Variants in PLXDC2 observed in about 807,000 individuals in gnomAD.
PLXDC2 encodes plexin domain containing 2.
Under a neutral mutation model 68.9 loss-of-function variants are expected in PLXDC2, and 40 were observed. The observed-to-expected ratio is 0.58, with a 90% CI of 0.45 to 0.76. PLXDC2 has a LOEUF of 0.76. PLXDC2 is among the 30% of genes least tolerant of loss of function. The probability of loss-of-function intolerance (pLI) is 0.00; values close to 1 mark genes in which losing one functional copy is unlikely to be tolerated. For missense variants in PLXDC2, 644 were observed against 661.9 expected (o/e 0.97, Z 0.30); for synonymous variants, 243 against 234.2 (o/e 1.04, Z -0.34).
intron 4 of PLXDC2, 113 bp from the exon 5 acceptor site, chr10:20,143,182 C>T: frequency 3.6e-6 from 4 of 1,120,186 alleles, no homozygotes; most frequent in Non-Finnish European, 5.0e-6. Flanking sequence ...TTTTTTCCAG[C>T]TACCATGACA....
chr10:19,872,748 C>G (rs1307226644), intron 1 of PLXDC2, among the ~76,000 whole-genome samples: 9 of 151,948 alleles, frequency 5.9e-5, no homozygotes, highest in Non-Finnish European at 1.3e-4. Flanking sequence ...TCCATGAGTT[C>G]CCTCCAGGCT....
At chr10:19,977,239 A>G (rs1162798734) in intron 1 of PLXDC2, among the ~76,000 whole-genome samples, 1 of 152,118 alleles carries the variant, frequency 6.6e-6, no homozygotes, top group Non-Finnish European at 1.5e-5. Context: ...TGCTGGGGAG[A>G]TTCTGGGACC....
chr10:19,937,583 T>TATATATATG (rs1833747488), intron 1 of PLXDC2, among the ~76,000 whole-genome samples: 1 of 137,868 alleles, frequency 7.3e-6, no homozygotes, highest in African/African-American at 2.7e-5. Context: ...TATATATATA[T>TATATATATG]TTGCAACTTC....
intron 3 of PLXDC2, among the ~76,000 whole-genome samples, chr10:20,056,662 C>A (rs896819062): frequency 1.3e-5 from 2 of 152,148 alleles, no homozygotes; most frequent in Non-Finnish European, 2.9e-5. Flanking sequence ...ATATAACAAA[C>A]CTTAGCTTCC....
intron 1 of PLXDC2, among the ~76,000 whole-genome samples, chr10:19,892,714 G>C (rs1035761592): frequency 6.6e-6 from 1 of 152,080 alleles, no homozygotes; most frequent in African/African-American, 2.4e-5. Flanking sequence ...GATTTCTTCT[G>C]CTTTCTCCTG....
At chr10:19,848,861 A>T (rs1288088405) in intron 1 of PLXDC2, among the ~76,000 whole-genome samples, 1 of 152,096 alleles carries the variant, frequency 6.6e-6, no homozygotes, top group African/African-American at 2.4e-5. Flanking sequence ...TCTTCATCTC[A>T]TGAAAAGAAG....
At position 19,937,544 on chromosome 10, in the gene PLXDC2, G is replaced by GTATATATATATATA. The variant is rs71388881; in HGVS notation, c.113-64205_113-64192dup. On this transcript the variant is annotated intron_variant, in intron 1 of 13. Transcript: ENST00000377252. ...GAATACATATCACATTATAGTCAATGTATATATATATATATATATATATAT... is the reference window on the plus strand; with the variant it reads ...GAATACATATCACATTATAGTCAATGTATATATATATATATATATATATATATATATATATATAT... Among the ~76,000 whole-genome samples, 253 of 95,908 alleles carry GTATATATATATATA rather than the reference G, an allele frequency of 2.6e-3. 6 individuals are homozygous for GTATATATATATATA. Among genetic ancestry groups the GTATATATATATATA allele is most frequent in the African/African-American group, 4.7e-3 (115 of 24,314 alleles). The allele number at this position is 95,908 out of a possible 152,430, so 62.9% of individuals were successfully genotyped here.
At chr10:20,002,350 C>T (rs1351906879) in intron 2 of PLXDC2, among the ~76,000 whole-genome samples, 2 of 151,314 alleles carry the variant, frequency 1.3e-5, no homozygotes, top group African/African-American at 4.9e-5. Context: ...ACCTCTGCTT[C>T]CTGGGTTCAA....
intron 1 of PLXDC2, among the ~76,000 whole-genome samples, chr10:19,963,045 G>A (rs1391481638): frequency 1.3e-5 from 2 of 151,550 alleles, no homozygotes; most frequent in African/African-American, 4.9e-5. Flanking sequence ...TGTGTAATAG[G>A]CTGTAGCTCA....
intron 1 of PLXDC2, among the ~76,000 whole-genome samples, chr10:19,954,128 A>G (rs972865132): frequency 5.3e-5 from 8 of 152,230 alleles, no homozygotes; most frequent in Admixed American, 3.3e-4. Context: ...ATCAAAGAAC[A>G]GTAGATTCAG....
intron 1 of PLXDC2, among the ~76,000 whole-genome samples, chr10:19,825,871 A>G (rs1186796252): frequency 1.3e-5 from 2 of 152,022 alleles, no homozygotes; most frequent in Non-Finnish European, 2.9e-5. Context: ...CTTTTTGTTC[A>G]TTTGTCTGGT....
intron 1 of PLXDC2, among the ~76,000 whole-genome samples, chr10:19,897,063 C>T (rs1426839020): frequency 3.3e-5 from 5 of 152,136 alleles, no homozygotes; most frequent in African/African-American, 7.2e-5. Context: ...GTTTCTTGCA[C>T]GTAAGTTTCT....
rs908708261 is a variant in PLXDC2 at position 20,246,845 on chromosome 10, C to CT, written c.1473+1348dup. Among the ~76,000 whole-genome samples, 17 of 151,980 alleles carry CT rather than the reference C, an allele frequency of 1.1e-4. 1 individual carries two copies. The South Asian group carries it at 1.9e-3, about 17-fold the overall frequency. On this transcript the variant is annotated intron_variant, in intron 13 of 13. Transcript: ENST00000377252. ...CTTGTTGAGCGAGAAATTATAATGC[C>CT]TTTTTTTTAATGACTTTTAAACTAT...
chr10:20,269,516 T>C (rs1835909643), intron 13 of PLXDC2, among the ~76,000 whole-genome samples: 1 of 152,094 alleles, frequency 6.6e-6, no homozygotes, highest in Non-Finnish European at 1.5e-5. Flanking sequence ...GGAGATACCT[T>C]TTCAGATGGA....
At chr10:20,203,442 C>A (rs1210100005) in intron 9 of PLXDC2, among the ~76,000 whole-genome samples, 1 of 151,758 alleles carries the variant, frequency 6.6e-6, no homozygotes, top group Non-Finnish European at 1.5e-5. Context: ...GTAGCTGGGA[C>A]TACAGGCATG....
chr10:19,992,956 C>T (rs766160948), intron 1 of PLXDC2, among the ~76,000 whole-genome samples: 14 of 152,134 alleles, frequency 9.2e-5, no homozygotes, highest in Non-Finnish European at 1.9e-4. Context: ...AACGATTAAT[C>T]AGAGGCAGAT....
chr10:20,214,555 A>T (rs796326085), intron 10 of PLXDC2, among the ~76,000 whole-genome samples: 1 of 152,122 alleles, frequency 6.6e-6, no homozygotes, highest in African/African-American at 2.4e-5. Context: ...TACAGCTCCT[A>T]CTGTCTTTAT....
intron 6 of PLXDC2, among the ~76,000 whole-genome samples, chr10:20,163,669 A>G (rs1279991928): frequency 6.6e-6 from 1 of 152,132 alleles, no homozygotes; most frequent in Non-Finnish European, 1.5e-5. Context: ...TGTAAAACTG[A>G]TAATAAAGAG....
intron 12 of PLXDC2, among the ~76,000 whole-genome samples, chr10:20,239,480 C>A (rs999174941): frequency 6.6e-6 from 1 of 152,176 alleles, no homozygotes; most frequent in Non-Finnish European, 1.5e-5. Flanking sequence ...CAAGCACCTT[C>A]TTCACAAGGC....
Sources: allele counts gnomAD v4.1 joint callset (sites outside exome capture counted in the v4.1 genomes callset), GRCh38; gene constraint gnomAD v4.1.1; transcripts MANE v1.5; gene names NCBI Gene and HGNC (gene_info 2026-07-23, HGNC 2026-07-21).